The following RPTOR variants were observed in gnomAD, a reference collection of about 807,000 sequenced individuals.
The protein encoded by RPTOR is regulatory associated protein of MTOR complex 1.
RPTOR carries 21 observed loss-of-function variants against 169.9 expected under a neutral mutation model. The ratio of observed to expected loss-of-function variants is 0.12; its 90% CI spans 0.09 to 0.18. The LOEUF is 0.18. RPTOR is among the 10% of genes least tolerant of loss of function. The pLI is 1.00. For missense variants in RPTOR, 1,133 were observed against 1,855.9 expected (o/e 0.61, Z 7.16); for synonymous variants, 732 against 753.2 (o/e 0.97, Z 0.46).
chr17:80,930,340 AT>A (rs2068871216), intron 24 of RPTOR, among the ~76,000 whole-genome samples: 1 of 52,028 alleles, frequency 1.9e-5, no homozygotes, highest in Non-Finnish European at 3.8e-5. Flanking sequence ...TCCTCAGCTC[AT>A]CCTCAGCTCA....
chr17:80,706,002 CACTT>C (rs1432557105), intron 3 of RPTOR, among the ~76,000 whole-genome samples: 1 of 152,216 alleles, frequency 6.6e-6, no homozygotes, highest in African/African-American at 2.4e-5. Context: ...ACGTTCCAAA[CACTT>C]ACTGGCATTT....
chr17:80,794,845 T>C (rs1184305991), intron 7 of RPTOR, among the ~76,000 whole-genome samples: 1 of 152,194 alleles, frequency 6.6e-6, no homozygotes, highest in Non-Finnish European at 1.5e-5. Flanking sequence ...TCTGTGACCT[T>C]CTGGGAAAGA....
At chr17:80,574,827 ATTTTTTT>A (rs555426915) in intron 1 of RPTOR, among the ~76,000 whole-genome samples, 1 of 121,432 alleles carries the variant, frequency 8.2e-6, no homozygotes, top group African/African-American at 3.1e-5. Context: ...AGCTTATTTA[ATTTTTTT>A]TTTTTTTTTT....
At chr17:80,772,979 GCCT>G (rs1209551352) in intron 6 of RPTOR, among the ~76,000 whole-genome samples, 1 of 152,120 alleles carries the variant, frequency 6.6e-6, no homozygotes, top group African/African-American at 2.4e-5. Context: ...ATTACCTTCT[GCCT>G]CCTCCTTCTC....
chr17:80,560,619 G>T (rs1343340335), intron 1 of RPTOR, among the ~76,000 whole-genome samples: 1 of 152,124 alleles, frequency 6.6e-6, no homozygotes, highest in Non-Finnish European at 1.5e-5. Flanking sequence ...GGACGTGCAG[G>T]AGCTGAGAGG....
intron 9 of RPTOR, among the ~76,000 whole-genome samples, chr17:80,833,546 T>C (rs990506696): frequency 6.6e-6 from 1 of 152,204 alleles, no homozygotes; most frequent in African/African-American, 2.4e-5. Flanking sequence ...GCCTCTCGTG[T>C]GTACGTAGGA....
Position 80,708,999 on chromosome 17 carries a change from G to A in RPTOR, c.507+1000G>A. The A allele has an allele frequency of 4.1e-6, 4 of 985,672 alleles. No homozygotes were observed. Among genetic ancestry groups the A allele is most frequent in the Middle Eastern group, 5.2e-4 (1 of 1,916 alleles). The allele number at this position is 985,672 out of a possible 1,614,324, so 61.1% of individuals were successfully genotyped here. A position where few individuals can be genotyped will look rare whatever the true frequency, so the allele number is the denominator to read the frequency against. On this transcript the variant is annotated intron_variant, in intron 4 of 33. Coordinates refer to ENST00000306801, the MANE Select transcript of RPTOR (RefSeq NM_020761.3). This position sits in a 1 kb window ranked among gnomAD's most constrained non-coding sequence, Gnocchi z 4.2. ...CTCTCGGTTCCCGCCTACCGTCCCGGGTTCGCAGCTAGCATTCGGCACAGG... is the reference window on the plus strand; with the variant it reads ...CTCTCGGTTCCCGCCTACCGTCCCGAGTTCGCAGCTAGCATTCGGCACAGG...
intron 10 of RPTOR, among the ~76,000 whole-genome samples, chr17:80,841,192 ACCG>A (rs2067645949): frequency 9.9e-6 from 1 of 101,200 alleles, no homozygotes; most frequent in South Asian, 3.6e-4. Context: ...GCTCACACTC[ACCG>A]CACGGCAGCT....
intron 21 of RPTOR, among the ~76,000 whole-genome samples, chr17:80,911,813 G>T (rs2068616242): frequency 6.6e-6 from 1 of 152,156 alleles, no homozygotes; most frequent in African/African-American, 2.4e-5. Context: ...ATATATGTTT[G>T]TTACACATTA....
At chr17:80,856,996 C>T (rs1741382846) in intron 12 of RPTOR, among the ~76,000 whole-genome samples, 1 of 152,134 alleles carries the variant, frequency 6.6e-6, no homozygotes, top group Non-Finnish European at 1.5e-5. Flanking sequence ...GCCTAGGTCC[C>T]ACCACCACCT....
At chr17:80,657,647 A>G (rs372210234) in intron 3 of RPTOR, among the ~76,000 whole-genome samples, 1 of 151,906 alleles carries the variant, frequency 6.6e-6, no homozygotes, top group Non-Finnish European at 1.5e-5. Flanking sequence ...TCGAGTGGCC[A>G]CTCTACCTCC....
intron 4 of RPTOR, among the ~76,000 whole-genome samples, chr17:80,718,498 G>C (rs1416531121): frequency 6.6e-6 from 1 of 152,172 alleles, no homozygotes; most frequent in Non-Finnish European, 1.5e-5. Context: ...TGATAATGTA[G>C]GGAAAATATT....
In RPTOR at chr17:80,637,867, C is replaced by T. The variant is rs146475112; in HGVS notation, c.266-5861C>T. Among the ~76,000 whole-genome samples the T allele has an allele frequency of 3.5e-3, 527 of 152,364 alleles. 1 individual carries two copies. The highest frequency in any genetic ancestry group is 0.012 in the African/African-American group (505 of 41,586). On this transcript the variant is annotated intron_variant, in intron 2 of 33. Transcript: ENST00000306801. ...CTTGGGTAGATGAGCTGAAAATAGT[C>T]GTGATCGCCCTTGGCGGCGGCTCGT...
intron 3 of RPTOR, among the ~76,000 whole-genome samples, chr17:80,675,010 A>G (rs759600021): frequency 3.3e-5 from 5 of 152,298 alleles, no homozygotes; most frequent in Admixed American, 1.3e-4. Flanking sequence ...TCAGAAGGGC[A>G]GGAGACACGC....
chr17:80,963,204 C>T (rs2069369544), intron 33 of RPTOR, 147 bp downstream of exon 33: 3 of 792,676 alleles, frequency 3.8e-6, no homozygotes, highest in Non-Finnish European at 6.1e-6. Flanking sequence ...TTGCCTGGGT[C>T]CCAGGATCTC....
intron 4 of RPTOR, among the ~76,000 whole-genome samples, chr17:80,712,161 A>G (rs1434522099): frequency 2.6e-5 from 4 of 152,060 alleles, no homozygotes; most frequent in Non-Finnish European, 5.9e-5. Context: ...TATTGTTAAT[A>G]TCTTGCTTTG....
At chr17:80,891,889 G>A in intron 18 of RPTOR, 52 bp downstream of exon 18, 1 of 1,324,976 alleles carries the variant, frequency 7.5e-7, no homozygotes, top group Non-Finnish European at 1.1e-6. Flanking sequence ...GGCGGTTCTA[G>A]TGCAGGCCGC....
intron 25 of RPTOR, 30 bp downstream of exon 25, chr17:80,940,631 C>T (rs561929576): frequency 6.4e-7 from 1 of 1,563,616 alleles, no homozygotes; most frequent in African/African-American, 1.4e-5. Context: ...CAGCCAGGGG[C>T]TCATTCCGGG....
Position 80,651,426 on chromosome 17 carries a change from G to A in RPTOR, c.348+7616G>A, listed in dbSNP as rs186182981. On this transcript the variant is annotated intron_variant, in intron 3 of 33. Coordinates refer to ENST00000306801, the MANE Select transcript of RPTOR (RefSeq NM_020761.3). This position sits in a 1 kb window ranked among gnomAD's most constrained non-coding sequence, Gnocchi z 4.1. ...CGGTACTTGATTTCATTTTGCAGGGGAAACCATATGTCACAGTGGTGTTCA... is the reference window on the plus strand; with the variant it reads ...CGGTACTTGATTTCATTTTGCAGGGAAAACCATATGTCACAGTGGTGTTCA... Among the ~76,000 whole-genome samples the A allele has an allele frequency of 9.7e-4, 148 of 152,316 alleles. No homozygotes were observed. The highest frequency in any genetic ancestry group is 3.5e-3 in the African/African-American group (145 of 41,562).
Sources: gnomAD v4.1 joint callset for allele counts (sites outside exome capture counted in the v4.1 genomes callset) on GRCh38, gnomAD v4.1.1 for gene constraint, Gnocchi (gnomAD v3.1) non-coding constraint, MANE v1.5 for transcripts, NCBI Gene and HGNC (gene_info 2026-07-23, HGNC 2026-07-21) for gene names.